Variants in UEVLD observed in about 807,000 individuals in gnomAD.
UEVLD encodes the protein ubiquitin-conjugating enzyme E2 variant 3.
A neutral mutation model predicts 58.6 loss-of-function variants in UEVLD; 47 were observed. That is an observed-to-expected ratio of 0.80 (90% CI 0.63 to 1.02). The LOEUF (loss-of-function observed/expected upper bound fraction) is 1.02, where lower values mean the gene tolerates loss of function less well. UEVLD is among the 50% of genes least tolerant of loss of function. The pLI is 0.00. For synonymous variants in UEVLD, 197 were observed against 195.3 expected (o/e 1.01, Z -0.07); for missense variants, 510 against 550.6 (o/e 0.93, Z 0.74).
rs59281820 is a variant in UEVLD, at chr11:18,530,726, CT to C, written c.*1593del. On this transcript the variant is annotated 3_prime_UTR_variant, in exon 12 of 12. Coordinates refer to ENST00000396197, the MANE Select transcript of UEVLD (RefSeq NM_001040697.4). ...TCACCACACCTGGCTAATTTTTAAA[CT>C]TTTTTTTTTTTTTTTTGAGACGGAG... 2.3e-3 allele frequency: 306 copies of C among 135,412 alleles called. No individual in the cohort carries two copies. The highest frequency in any genetic ancestry group is 3.6e-3 in the Middle Eastern group (1 of 276). The allele number at this position is 135,412 out of a possible 1,614,324, so 8.4% of individuals were successfully genotyped here. A position where few individuals can be genotyped will look rare whatever the true frequency, so the allele number is the denominator to read the frequency against.
intron 1 of UEVLD, 40 bp downstream of exon 1, chr11:18,588,573 G>T (rs1409850153): frequency 1.2e-6 from 2 of 1,603,732 alleles, no homozygotes; most frequent in Admixed American, 1.7e-5. Flanking sequence ...CCCCCCGCAA[G>T]ACCCTGAGGA....
chr11:18,531,792 G>A lies in UEVLD; in HGVS notation c.*528C>T, dbSNP rs1456757693. The stretch of plus-strand genomic sequence containing the variant: ...ATGTAAAATTCTTTTCCATTTTTTG[G>A]TAGGTAATTAATTTGAAGAAGGGAA... On this transcript the variant is annotated 3_prime_UTR_variant, in exon 12 of 12. Transcript: ENST00000396197. 3 of 151,762 alleles carry A rather than the reference G, an allele frequency of 2.0e-5. No individual in the cohort carries two copies. Among genetic ancestry groups the A allele is most frequent in the Non-Finnish European group, 4.4e-5 (3 of 67,936 alleles). 9.4% of individuals were successfully genotyped at this position (151,762 alleles called of 1,614,324 possible).
At chr11:18,575,936 G>A (rs896341847) in intron 2 of UEVLD, among the ~76,000 whole-genome samples, 21 of 152,122 alleles carry the variant, frequency 1.4e-4, no homozygotes, top group African/African-American at 5.1e-4. Context: ...CAGAGTGATC[G>A]ACGGCCTTTT....
chr11:18,561,379 A>G (rs1852024293), intron 6 of UEVLD, among the ~76,000 whole-genome samples: 1 of 151,852 alleles, frequency 6.6e-6, no homozygotes, highest in Non-Finnish European at 1.5e-5. Context: ...GCATCACCTG[A>G]GGTCAGGAGT....
chr11:18,563,312 C>T (rs1158182816), intron 6 of UEVLD, among the ~76,000 whole-genome samples: 6 of 152,020 alleles, frequency 3.9e-5, no homozygotes, highest in Admixed American at 6.6e-5. Context: ...ACAACCAGGC[C>T]GGGTGCAGTG....
At position 18,545,074 on chromosome 11, in the gene UEVLD, A is replaced by ATTTT. The variant is rs773948158; in HGVS notation, c.887-282_887-279dup. Among the ~76,000 whole-genome samples, 101 of 84,572 alleles carry ATTTT rather than the reference A, an allele frequency of 1.2e-3. 6 individuals carry two copies. The highest frequency in any genetic ancestry group is 1.8e-3 in the Non-Finnish European group (69 of 38,614). 55.5% of individuals were successfully genotyped at this position (84,572 alleles called of 152,430 possible). On this transcript the variant is annotated intron_variant, in intron 8 of 11. Coordinates refer to ENST00000396197, the MANE Select transcript of UEVLD (RefSeq NM_001040697.4). ...TATCTATATCTATATCTATATCTAT[A>ATTTT]TTTTTTTTTTTTTTTTGAGATGGAG...
At chr11:18,587,841 G>C (rs1400811035) in intron 1 of UEVLD, 2 of 152,016 alleles carry the variant, frequency 1.3e-5, no homozygotes, top group Non-Finnish European at 2.9e-5. Flanking sequence ...CCTTAACTAG[G>C]AAACTGGTGA....
chr11:18,561,544 T>C (rs1479462143), intron 6 of UEVLD, among the ~76,000 whole-genome samples: 1 of 129,838 alleles, frequency 7.7e-6, no homozygotes, highest in Non-Finnish European at 1.6e-5. Flanking sequence ...TTGTGGTGAG[T>C]CAAGGTCACA....
Position 18,532,385 on chromosome 11 carries a change from CTG to C in UEVLD, c.1349_1350del (p.Thr450SerfsTer3), listed in dbSNP as rs780273880. On this transcript the variant is annotated frameshift_variant, in exon 12 of 12. Transcript: ENST00000396197. LOFTEE classifies it high-confidence loss of function. ...GCACTGCTTTGGAGTTTCTCAGTAA[CTG>C]TATCTTCTTTCAGTGTGGTTTTGAT... Reference protein sequence around the residue: ...EVIKTTLKEDTVTEKLQSSAS... With the variant: ...EVIKTTLKEDXVTEKLQSSAS... 4 of 1,613,720 alleles carry C rather than the reference CTG, an allele frequency of 2.5e-6. No homozygotes were observed. The highest frequency in any genetic ancestry group is 1.7e-5 in the Admixed American group (1 of 59,954).
intron 6 of UEVLD, among the ~76,000 whole-genome samples, chr11:18,560,426 T>C (rs1005733217): frequency 6.6e-6 from 1 of 152,202 alleles, no homozygotes; most frequent in African/African-American, 2.4e-5. Flanking sequence ...ATTATGGGTA[T>C]GGGAATAAAC....
intron 7 of UEVLD, among the ~76,000 whole-genome samples, chr11:18,557,118 T>C (rs944759806): frequency 2.7e-5 from 4 of 149,250 alleles, no homozygotes; most frequent in African/African-American, 9.9e-5. Context: ...GAGAGAGAGA[T>C]AGAAAATTTA....
chr11:18,544,532 T>A, intron 9 of UEVLD, 91 bp downstream of exon 9: 1 of 1,387,740 alleles, frequency 7.2e-7, no homozygotes, highest in Non-Finnish European at 9.8e-7. Flanking sequence ...GGTCTTGAAG[T>A]CCTGGCTTCA....
chr11:18,575,393 C>A lies in UEVLD; in HGVS notation c.147G>T (p.Gln49His), dbSNP rs761750328. The stretch of plus-strand genomic sequence containing the variant: ...TGCCAGTAAAATTCAGCAGGTCTTT[C>A]TGAGAACTATCTTTAAAAACTAGAA... Reference protein sequence around the residue: ...MDTYVFKDSSQKDLLNFTGTI... With the variant: ...MDTYVFKDSSHKDLLNFTGTI... The change falls in exon 3 of 12, where the codon CAG becomes CAT. Residue 49 changes from glutamine to histidine, a missense_variant. By Grantham distance (24) the Gln-to-His change is conservative (BLOSUM62 0). Transcript: ENST00000396197. 2 of 1,605,724 alleles carry A rather than the reference C, an allele frequency of 1.2e-6. No individual in the cohort carries two copies. The highest frequency in any genetic ancestry group is 3.4e-5 in the Admixed American group (2 of 58,014).
At chr11:18,587,332 A>G (rs1853628932) in intron 1 of UEVLD, among the ~76,000 whole-genome samples, 1 of 152,132 alleles carries the variant, frequency 6.6e-6, no homozygotes, top group Non-Finnish European at 1.5e-5. Context: ...CTCTTCCTAC[A>G]AGATCTGCAC....
At chr11:18,569,041 C>A (rs893999537) in intron 4 of UEVLD, among the ~76,000 whole-genome samples, 2 of 151,958 alleles carry the variant, frequency 1.3e-5, no homozygotes, top group African/African-American at 4.8e-5. Context: ...ACTACAGGCG[C>A]CCACCACCAC....
intron 1 of UEVLD, among the ~76,000 whole-genome samples, chr11:18,580,608 A>G (rs1031460954): frequency 2.7e-5 from 4 of 146,798 alleles, no homozygotes; most frequent in Admixed American, 2.7e-4. Context: ...TAGACACAGG[A>G]AGTGCCTGCC....
At chr11:18,580,035 C>CTTT (rs140542993) in intron 1 of UEVLD, among the ~76,000 whole-genome samples, 146 of 85,398 alleles carry the variant, frequency 1.7e-3, no homozygotes, top group African/African-American at 2.9e-3. Context: ...TCCCAGCTGG[C>CTTT]TTTTTTTTTT....
At chr11:18,563,772 G>C (rs886574065) in intron 6 of UEVLD, 1 of 829,192 alleles carries the variant, frequency 1.2e-6, no homozygotes, top group African/African-American at 1.8e-5. Context: ...TGGGAGGCCA[G>C]GGCAGGTGGA....
chr11:18,553,924 G>A (rs1259253882), intron 7 of UEVLD, among the ~76,000 whole-genome samples: 2 of 152,096 alleles, frequency 1.3e-5, no homozygotes, highest in Non-Finnish European at 2.9e-5. Flanking sequence ...GGTGATAGTT[G>A]CACAACATTG....
Sources: gnomAD v4.1 joint callset for allele counts (sites outside exome capture counted in the v4.1 genomes callset) on GRCh38, gnomAD v4.1.1 for gene constraint, MANE v1.5 for transcripts, NCBI Gene and HGNC (gene_info 2026-07-23, HGNC 2026-07-21) for gene names.